TTLL4: variants seen among roughly 807,000 people sequenced by gnomAD.
TTLL4 encodes tubulin tyrosine ligase like 4.
TTLL4 carries 85 observed loss-of-function variants against 122.7 expected under a neutral mutation model. The observed-to-expected ratio is 0.69, with a 90% CI of 0.58 to 0.83. TTLL4 has a LOEUF of 0.83. TTLL4 is among the 40% of genes least tolerant of loss of function. The pLI, the probability that TTLL4 is intolerant of heterozygous loss-of-function variation, is 0.00. For synonymous variants in TTLL4, 553 were observed against 563.0 expected (o/e 0.98, Z 0.25); for missense variants, 1,363 against 1,488.6 (o/e 0.92, Z 1.39).
In TTLL4 at chr2:218,749,411, C is replaced by T. The variant is rs532162702; in HGVS notation, c.2735+24C>T. On this transcript the variant is annotated intron_variant, in intron 14 of 19. Coordinates refer to ENST00000392102, the MANE Select transcript of TTLL4 (RefSeq NM_014640.5). ...AGGTAGGTGGTATTCTCAGGACACTCACCATAGAATCCTTCCATTATTCTC... is the reference window on the plus strand; with the variant it reads ...AGGTAGGTGGTATTCTCAGGACACTTACCATAGAATCCTTCCATTATTCTC... The T allele has an allele frequency of 3.1e-6, 5 of 1,613,592 alleles. No individual in the cohort carries two copies. The South Asian group carries it at 4.4e-5, about 14-fold the overall frequency.
At position 218,743,817 on chromosome 2, in the gene TTLL4, C is replaced by T. The variant is rs1426374936; in HGVS notation, c.1662-1292C>T. On this transcript the variant is annotated intron_variant, in intron 5 of 19. Coordinates refer to ENST00000392102, the MANE Select transcript of TTLL4 (RefSeq NM_014640.5). ...GACTCAGCCTCCCGAGTAGCTGGGA[C>T]TACAGGCATGCGCCACCATGCCTGG... Among the ~76,000 whole-genome samples the T allele has an allele frequency of 2.6e-5, 4 of 152,038 alleles. No individual in the cohort carries two copies. In the East Asian group the frequency reaches 7.7e-4, roughly 29 times the overall value.
Position 218,754,565 on chromosome 2 carries a change from A to G in TTLL4, c.*176A>G. On this transcript the variant is annotated 3_prime_UTR_variant, in exon 20 of 20. Transcript: ENST00000392102. ...GTATTTGTAGGGCCGGAGGGATGGT[A>G]GTGATGGGGAGAAGGTGAGGAAGGG... The G allele has an allele frequency of 1.2e-6, 1 of 834,132 alleles. No individual in the cohort carries two copies. Among genetic ancestry groups the G allele is most frequent in the Non-Finnish European group, 1.8e-6 (1 of 551,372 alleles). The allele number at this position is 834,132 out of a possible 1,614,324, so 51.7% of individuals were successfully genotyped here.
chr2:218,723,327 A>G (rs1183725404), intron 1 of TTLL4, among the ~76,000 whole-genome samples: 1 of 152,188 alleles, frequency 6.6e-6, no homozygotes. Context: ...GGGCACAACA[A>G]GGACTTGTGT....
At chr2:218,737,132 T>G (rs998847110) in intron 2 of TTLL4, among the ~76,000 whole-genome samples, 18 of 152,202 alleles carry the variant, frequency 1.2e-4, no homozygotes, top group Non-Finnish European at 2.1e-4. Context: ...CTTTAATCTT[T>G]CAGAATTGAT....
In TTLL4 at chr2:218,747,469, A is replaced by G; in HGVS notation, c.2249+97A>G. 6.4e-7 allele frequency: 1 copy of G among 1,570,272 alleles called. No individual in the cohort carries two copies. The highest frequency in any genetic ancestry group is 8.7e-7 in the Non-Finnish European group (1 of 1,154,936). On this transcript the variant is annotated intron_variant, in intron 10 of 19. Transcript: ENST00000392102. The surrounding 1 kb of genome is among the most constrained non-coding windows in gnomAD (Gnocchi z 4.7). ...TTCTGCCCTTTGTTCTCCCAGCCAAAGAGCTTCCTTAGCCAACTGTTCTAA... is the reference window on the plus strand; with the variant it reads ...TTCTGCCCTTTGTTCTCCCAGCCAAGGAGCTTCCTTAGCCAACTGTTCTAA...
chr2:218,747,060 CT>C lies in TTLL4; in HGVS notation c.2033del (p.Leu678ArgfsTer43). Reference protein sequence around the residue: ...IGRKDRLWRNLSRMQSRFGKK... With the variant: ...IGRKDRLWRNXSRMQSRFGKK... ...GAGGAAGGACCGGCTATGGCGGAAC[CT>C]GTCACGTATGCAGAGCCGCTTTGGC... On this transcript the variant is annotated frameshift_variant, in exon 9 of 20. Coordinates refer to ENST00000392102, the MANE Select transcript of TTLL4 (RefSeq NM_014640.5). LOFTEE classifies it high-confidence loss of function. The surrounding 1 kb of genome is among the most constrained non-coding windows in gnomAD (Gnocchi z 4.7). 1 of 1,614,238 alleles carries C rather than the reference CT, an allele frequency of 6.2e-7. No individual in the cohort carries two copies.
At chr2:218,745,377 G>C in intron 6 of TTLL4, 144 bp downstream of exon 6, 1 of 1,100,604 alleles carries the variant, frequency 9.1e-7, no homozygotes, top group South Asian at 1.5e-5. Context: ...TTCCCCATGT[G>C]GTCGTAGGTC....
In TTLL4 at chr2:218,750,059, G is replaced by T; in HGVS notation, c.2786G>T (p.Arg929Leu). ...ATCAGCATCAAAGGCCAGATGATTCGTGACCTTCTGAATCTGGCAGGTTTT... is the reference window on the plus strand; with the variant it reads ...ATCAGCATCAAAGGCCAGATGATTCTTGACCTTCTGAATCTGGCAGGTTTT... ...LDISIKGQMI[R>L]DLLNLAGFVL... Residue 929 changes from arginine (R) to leucine (L), a missense_variant, in exon 15 of 20, where the codon CGT becomes CTT. This residue lies in a region of TTLL4 where 596 missense variants were observed against 655.8 expected (regional missense o/e 0.91). Coordinates refer to ENST00000392102, the MANE Select transcript of TTLL4 (RefSeq NM_014640.5). 6.2e-7 allele frequency: 1 copy of T among 1,614,076 alleles called. No individual in the cohort carries two copies.
Position 218,748,032 on chromosome 2 carries a change from G to A in TTLL4, c.2379-73G>A, listed in dbSNP as rs183237444. ...CTTGTTCTACACCTCTTCAGGATTT[G>A]GGGAAATGTTTGGCCCCTTCTCCAT... On this transcript the variant is annotated intron_variant, in intron 11 of 19. Transcript: ENST00000392102. The A allele has an allele frequency of 1.6e-5, 26 of 1,584,956 alleles. No individual in the cohort carries two copies. In the East Asian group the frequency reaches 5.8e-4, roughly 35 times the overall value.
chr2:218,742,073 G>C (rs1489975861), intron 5 of TTLL4, among the ~76,000 whole-genome samples: 1 of 152,084 alleles, frequency 6.6e-6, no homozygotes, highest in Non-Finnish European at 1.5e-5. Flanking sequence ...CAATACTCCT[G>C]CCTCAGCCTC....
intron 1 of TTLL4, among the ~76,000 whole-genome samples, chr2:218,724,391 T>TA (rs1160795548): frequency 1.3e-5 from 2 of 152,292 alleles, no homozygotes; most frequent in Non-Finnish European, 2.9e-5. Context: ...CAAATGGACT[T>TA]ACTTCTTGCT....
intron 5 of TTLL4, among the ~76,000 whole-genome samples, chr2:218,742,169 T>TTA (rs1188977664): frequency 7.2e-5 from 11 of 152,014 alleles, no homozygotes; most frequent in African/African-American, 2.7e-4. Flanking sequence ...GAAGGTCTCA[T>TTA]TATATTACCC....
chr2:218,717,636 G>C (rs1276488704), intron 1 of TTLL4, among the ~76,000 whole-genome samples: 2 of 152,076 alleles, frequency 1.3e-5, no homozygotes, highest in African/African-American at 4.8e-5. Flanking sequence ...TTCTCACTAG[G>C]CTGTATTCTT....
At chr2:218,727,234 T>A (rs1942222942) in intron 1 of TTLL4, 35 bp from the exon 2 acceptor site, 1 of 152,224 alleles carries the variant, frequency 6.6e-6, no homozygotes. Flanking sequence ...TTGCTTTTCA[T>A]TCTGTTTTCT....
rs570664050 is a variant in TTLL4 at position 218,745,880 on chromosome 2, C to T, written c.1897+79C>T. 26 of 1,333,236 alleles carry T rather than the reference C, an allele frequency of 2.0e-5. No individual in the cohort carries two copies. The South Asian group carries it at 2.9e-4, about 15-fold the overall frequency. The allele number at this position is 1,333,236 out of a possible 1,614,324, so 82.6% of individuals were successfully genotyped here. ...TTGCATAGGGGGAGAGCTCTAGACA[C>T]CTCGTGCCTATGTCGGGGCAGCTGG... On this transcript the variant is annotated intron_variant, in intron 7 of 19. Coordinates refer to ENST00000392102, the MANE Select transcript of TTLL4 (RefSeq NM_014640.5).
At chr2:218,730,108 A>G (rs982035329) in intron 2 of TTLL4, among the ~76,000 whole-genome samples, 5 of 151,918 alleles carry the variant, frequency 3.3e-5, no homozygotes, top group Non-Finnish European at 1.5e-5. Context: ...TTCCTTTCCA[A>G]TCTGTGTATC....
intron 1 of TTLL4, among the ~76,000 whole-genome samples, chr2:218,711,580 A>C (rs557359982): frequency 6.6e-6 from 1 of 152,328 alleles, no homozygotes; most frequent in East Asian, 1.9e-4. Flanking sequence ...TTTAGTAAAC[A>C]TTGACAAATA....
chr2:218,719,197 A>T (rs2106392678), intron 1 of TTLL4, among the ~76,000 whole-genome samples: 1 of 152,278 alleles, frequency 6.6e-6, no homozygotes, highest in South Asian at 2.1e-4. Context: ...AGGAGGCCAA[A>T]CTGGACCAGG....
intron 15 of TTLL4, 89 bp from the exon 16 acceptor site, chr2:218,751,615 G>A (rs1943015633): frequency 1.3e-6 from 2 of 1,502,948 alleles, no homozygotes; most frequent in East Asian, 2.5e-5. Context: ...CTCAAGAAGG[G>A]TGTCTGCTGG....
Sources: gnomAD v4.1 joint callset for allele counts (sites outside exome capture counted in the v4.1 genomes callset) on GRCh38, gnomAD v4.1.1 for gene constraint, gnomAD v4.1.1 regional missense constraint, Gnocchi (gnomAD v3.1) non-coding constraint, MANE v1.5 for transcripts, NCBI Gene and HGNC (gene_info 2026-07-23, HGNC 2026-07-21) for gene names.